CNTN1: variants seen among roughly 807,000 people sequenced by gnomAD.
CNTN1 encodes the protein contactin 1.
A neutral mutation model predicts 126.4 loss-of-function variants in CNTN1; 38 were observed. That is an observed-to-expected ratio of 0.30 (90% CI 0.23 to 0.39). The LOEUF (loss-of-function observed/expected upper bound fraction) is 0.39. Among genes scored for constraint, CNTN1 ranks in the 10% least tolerant of loss-of-function variants. The pLI, the probability that CNTN1 is intolerant of heterozygous loss-of-function variation, is 1.00. For synonymous variants in CNTN1, 413 were observed against 422.6 expected (o/e 0.98, Z 0.28); for missense variants, 1,009 against 1,248.4 (o/e 0.81, Z 2.89).
intron 1 of CNTN1, among the ~76,000 whole-genome samples, chr12:40,733,473 A>T (rs542811390): frequency 9.2e-5 from 14 of 151,914 alleles, no homozygotes; most frequent in Non-Finnish European, 1.9e-4. Context: ...TGTTCAGGTA[A>T]GGAGGTCTTC....
At chr12:40,928,607 G>C (rs1453860527) in intron 6 of CNTN1, among the ~76,000 whole-genome samples, 1 of 151,854 alleles carries the variant, frequency 6.6e-6, no homozygotes, top group Non-Finnish European at 1.5e-5. Flanking sequence ...TCTATAATTT[G>C]AAAAAATCAA....
At chr12:40,926,005 C>G (rs887964664) in intron 6 of CNTN1, among the ~76,000 whole-genome samples, 2 of 151,398 alleles carry the variant, frequency 1.3e-5, no homozygotes, top group Non-Finnish European at 2.9e-5. Flanking sequence ...CTCAGAAAAT[C>G]TCTTATGAGT....
chr12:40,700,997 G>A (rs1353515276), intron 1 of CNTN1, among the ~76,000 whole-genome samples: 1 of 152,184 alleles, frequency 6.6e-6, no homozygotes, highest in Admixed American at 6.5e-5. Flanking sequence ...GGAGAGGCTA[G>A]AATTCACACC....
intron 1 of CNTN1, among the ~76,000 whole-genome samples, chr12:40,705,494 T>C (rs896656751): frequency 5.3e-5 from 8 of 152,158 alleles, no homozygotes; most frequent in African/African-American, 1.9e-4. Context: ...TTTCAATGTT[T>C]AATAATAGGT....
chr12:41,049,758 A>T (rs1221466295), intron 23 of CNTN1, among the ~76,000 whole-genome samples: 3 of 152,174 alleles, frequency 2.0e-5, no homozygotes, highest in African/African-American at 7.2e-5. Context: ...TCATATTTGT[A>T]TTTTGCCTGA....
intron 12 of CNTN1, among the ~76,000 whole-genome samples, chr12:40,942,812 C>T (rs10879388): frequency 0.12 from 18,068 of 151,956 alleles, 1,122 homozygotes; most frequent in Non-Finnish European, 0.12. Flanking sequence ...ATAATGTTAG[C>T]GGAAATTTTG....
intron 1 of CNTN1, among the ~76,000 whole-genome samples, chr12:40,839,992 G>A (rs1194030626): frequency 2.0e-5 from 3 of 151,984 alleles, no homozygotes; most frequent in Admixed American, 6.6e-5. Flanking sequence ...AAAGCCTCAC[G>A]TATCAATAAT....
chr12:40,888,631 T>C (rs1311135278), intron 1 of CNTN1, among the ~76,000 whole-genome samples: 1 of 152,068 alleles, frequency 6.6e-6, no homozygotes, highest in Non-Finnish European at 1.5e-5. Context: ...AAAAAGGAAG[T>C]ATATAGAATT....
intron 16 of CNTN1, among the ~76,000 whole-genome samples, chr12:40,981,578 T>C (rs546705600): frequency 3.3e-5 from 5 of 152,124 alleles, no homozygotes; most frequent in African/African-American, 1.2e-4. Flanking sequence ...TTTAAAGACA[T>C]TTTGGATCTT....
chr12:40,925,553 A>ATG lies in CNTN1; in HGVS notation c.496+902_496+903insGT, dbSNP rs3041727. Among the ~76,000 whole-genome samples, 8 of 143,472 alleles carry ATG rather than the reference A, an allele frequency of 5.6e-5. No homozygotes were observed. The East Asian group carries it at 1.4e-3, about 26-fold the overall frequency. 94.1% of individuals were successfully genotyped at this position (143,472 alleles called of 152,430 possible). A position where few individuals can be genotyped will look rare whatever the true frequency, so the allele number is the denominator to read the frequency against. On this transcript the variant is annotated intron_variant, in intron 6 of 23. Coordinates refer to ENST00000551295, the MANE Select transcript of CNTN1 (RefSeq NM_001843.4). Reference sequence around the variant, plus strand: ...ATTGTGTGTGTGTGTGTGTGTATATATATACACGTATATATACGTATATAC... The same window carrying ATG: ...ATTGTGTGTGTGTGTGTGTGTATATATGTATACACGTATATATACGTATATAC...
intron 1 of CNTN1, among the ~76,000 whole-genome samples, chr12:40,838,314 C>G (rs1942143884): frequency 6.6e-6 from 1 of 152,182 alleles, no homozygotes; most frequent in Non-Finnish European, 1.5e-5. Flanking sequence ...GCTGCTACCA[C>G]CAACATCAAC....
At chr12:40,759,599 A>T (rs2136413137) in intron 1 of CNTN1, among the ~76,000 whole-genome samples, 2 of 151,580 alleles carry the variant, frequency 1.3e-5, no homozygotes, top group Admixed American at 1.3e-4. Flanking sequence ...CCAAGTAGCT[A>T]GGACCACAGG....
At chr12:41,013,390 A>G (rs1948710935) in intron 17 of CNTN1, among the ~76,000 whole-genome samples, 1 of 152,190 alleles carries the variant, frequency 6.6e-6, no homozygotes, top group Non-Finnish European at 1.5e-5. Flanking sequence ...TCTTTCTTAG[A>G]AAATGATTTG....
Position 41,002,451 on chromosome 12 carries a change from GTA to G in CNTN1, c.2113+9185_2113+9186del, listed in dbSNP as rs368179339. On this transcript the variant is annotated intron_variant, in intron 17 of 23. Transcript: ENST00000551295. Reference sequence around the variant, plus strand: ...GGTTCTTGGCATGACTGTTGTTGGTGTATAGGAATGCTAGAGATTTTCCCACA... The same window carrying G: ...GGTTCTTGGCATGACTGTTGTTGGTGTAGGAATGCTAGAGATTTTCCCACA... 3.5e-3 allele frequency among the ~76,000 whole-genome samples: 527 copies of G among 151,956 alleles called. 2 individuals carry two copies. The highest frequency in any genetic ancestry group is 0.012 in the African/African-American group (493 of 41,432).
intron 5 of CNTN1, 67 bp downstream of exon 5, chr12:40,922,495 A>C: frequency 2.8e-6 from 4 of 1,443,176 alleles, no homozygotes; most frequent in Non-Finnish European, 3.9e-6. Flanking sequence ...AAGAACAATC[A>C]GGAAAGGATA....
At chr12:40,785,687 A>G (rs7301253) in intron 1 of CNTN1, among the ~76,000 whole-genome samples, 137,784 of 152,140 alleles carry the variant, frequency 0.91, 62,526 homozygotes, top group Middle Eastern at 0.95. Flanking sequence ...ATCAGTTAGG[A>G]TGGGGCAGAA....
At chr12:40,996,194 C>G (rs1293716105) in intron 17 of CNTN1, among the ~76,000 whole-genome samples, 1 of 151,472 alleles carries the variant, frequency 6.6e-6, no homozygotes, top group Non-Finnish European at 1.5e-5. Context: ...TGCAGTGGCA[C>G]AATCACAGCT....
intron 1 of CNTN1, among the ~76,000 whole-genome samples, chr12:40,882,003 A>T (rs940581208): frequency 6.7e-5 from 10 of 150,330 alleles, no homozygotes; most frequent in Non-Finnish European, 1.3e-4. Context: ...TTTTTAAAAA[A>T]TTGGTTTCTT....
intron 23 of CNTN1, among the ~76,000 whole-genome samples, chr12:41,051,893 AACACACACACACACACACACAC>A (rs71078300): frequency 7.4e-5 from 10 of 134,586 alleles, no homozygotes; most frequent in East Asian, 7.1e-4. Context: ...ACCCCACACA[AACACACACACACACACACACAC>A]ACACACACAC....
Sources: gnomAD v4.1 joint callset for allele counts (sites outside exome capture counted in the v4.1 genomes callset) on GRCh38, gnomAD v4.1.1 for gene constraint, MANE v1.5 for transcripts, NCBI Gene and HGNC (gene_info 2026-07-23, HGNC 2026-07-21) for gene names.